The following FMN1 variants were observed in gnomAD, a reference collection of about 807,000 sequenced individuals.
FMN1 encodes the protein formin-1.
Under a neutral mutation model 132.4 loss-of-function variants are expected in FMN1, and 110 were observed. That is an observed-to-expected ratio of 0.83 (90% CI 0.71 to 0.97). The LOEUF (loss-of-function observed/expected upper bound fraction) is 0.97. Among genes scored for constraint, FMN1 ranks in the 50% least tolerant of loss-of-function variants. FMN1 has a pLI of 0.00. For synonymous variants in FMN1, 722 were observed against 651.7 expected (o/e 1.11, Z -1.64); for missense variants, 1,792 against 1,705.3 (o/e 1.05, Z -0.90).
intron 7 of FMN1, among the ~76,000 whole-genome samples, chr15:32,987,392 C>T (rs79396960): frequency 8.4e-4 from 128 of 152,246 alleles, no homozygotes; most frequent in African/African-American, 2.9e-3. Context: ...TCATGTACTC[C>T]GAATAATTAC....
chr15:32,768,571 C>T lies in FMN1; in HGVS notation c.*5739G>A, dbSNP rs2056124347. The T allele has an allele frequency of 6.6e-6, 1 of 152,180 alleles. No individual in the cohort carries two copies. The highest frequency in any genetic ancestry group is 6.5e-5 in the Admixed American group (1 of 15,272). The allele number at this position is 152,180 out of a possible 1,614,324, so 9.4% of individuals were successfully genotyped here. A position where few individuals can be genotyped will look rare whatever the true frequency, so the allele number is the denominator to read the frequency against. On this transcript the variant is annotated 3_prime_UTR_variant, in exon 21 of 21. Coordinates refer to ENST00000616417, the MANE Select transcript of FMN1 (RefSeq NM_001277313.2). ...CACAGGTAGAATTTAGGAAAATGTT[C>T]AGCCTATGTGAGAGCTATAGTGTGG...
At chr15:32,972,686 C>T (rs538613706) in intron 7 of FMN1, among the ~76,000 whole-genome samples, 2 of 152,274 alleles carry the variant, frequency 1.3e-5, no homozygotes, top group East Asian at 1.9e-4. Flanking sequence ...ATCTTCCTTG[C>T]CATTTTTTTC....
At chr15:33,004,257 A>G (rs1029208993) in intron 7 of FMN1, among the ~76,000 whole-genome samples, 6 of 152,222 alleles carry the variant, frequency 3.9e-5, no homozygotes, top group African/African-American at 1.4e-4. Context: ...TGAACAGGCA[A>G]CCTACAGAAT....
chr15:33,123,280 A>T (rs1189232288), intron 4 of FMN1, among the ~76,000 whole-genome samples: 4 of 151,874 alleles, frequency 2.6e-5, no homozygotes, highest in Non-Finnish European at 5.9e-5. Flanking sequence ...TCCAAATCAA[A>T]ACTGGGGTCA....
intron 9 of FMN1, among the ~76,000 whole-genome samples, chr15:32,954,536 C>T (rs532084312): frequency 1.2e-4 from 18 of 152,206 alleles, no homozygotes; most frequent in African/African-American, 3.1e-4. Flanking sequence ...AGGACTTGTT[C>T]GGGATTCGAT....
At chr15:33,092,430 CT>C (rs1159624543) in intron 4 of FMN1, among the ~76,000 whole-genome samples, 1 of 152,176 alleles carries the variant, frequency 6.6e-6, no homozygotes, top group Non-Finnish European at 1.5e-5. Context: ...TCTATTTCCC[CT>C]GCCACGTGAC....
At chr15:32,777,778 A>C (rs1057061278) in intron 19 of FMN1, among the ~76,000 whole-genome samples, 1 of 127,326 alleles carries the variant, frequency 7.9e-6, no homozygotes, top group Admixed American at 8.5e-5. Context: ...TATACTATGT[A>C]TAATACATTT....
At chr15:33,180,499 G>A (rs374169318) in intron 2 of FMN1, among the ~76,000 whole-genome samples, 29 of 152,070 alleles carry the variant, frequency 1.9e-4, no homozygotes, top group African/African-American at 6.5e-4. Context: ...CTAGCATAGG[G>A]TAACCAACCA....
chr15:33,007,305 A>C (rs2034472922), intron 7 of FMN1, among the ~76,000 whole-genome samples: 1 of 152,196 alleles, frequency 6.6e-6, no homozygotes, highest in Non-Finnish European at 1.5e-5. Context: ...TTTTGCTGTC[A>C]TTCTCTCCTG....
intron 17 of FMN1, among the ~76,000 whole-genome samples, chr15:32,835,538 C>T (rs557565576): frequency 1.3e-5 from 2 of 152,226 alleles, no homozygotes; most frequent in Non-Finnish European, 2.9e-5. Flanking sequence ...GTTGCAACCT[C>T]AAAAACTTGG....
intron 12 of FMN1, among the ~76,000 whole-genome samples, chr15:32,903,043 T>C (rs1004935233): frequency 3.3e-5 from 5 of 152,240 alleles, no homozygotes; most frequent in African/African-American, 9.6e-5. Context: ...CTTCTTTCTA[T>C]ACCGAAAGAT....
chr15:32,974,476 A>C (rs997853560), intron 7 of FMN1, among the ~76,000 whole-genome samples: 2 of 152,202 alleles, frequency 1.3e-5, no homozygotes, highest in Non-Finnish European at 2.9e-5. Flanking sequence ...TGCCAATTAA[A>C]CCATCCTGTT....
At chr15:32,853,242 A>C (rs1269771606) in intron 17 of FMN1, among the ~76,000 whole-genome samples, 3 of 152,184 alleles carry the variant, frequency 2.0e-5, no homozygotes, top group Non-Finnish European at 4.4e-5. Flanking sequence ...CTTTGCTGAA[A>C]GTCTTACCTA....
rs547359315 is a variant in FMN1 at position 32,797,527 on chromosome 15, T to C, written c.4130+1277A>G. 2.0e-5 allele frequency among the ~76,000 whole-genome samples: 3 copies of C among 152,312 alleles called. No individual in the cohort carries two copies. In the South Asian group the frequency reaches 6.2e-4, roughly 32 times the overall value. On this transcript the variant is annotated intron_variant, in intron 19 of 20. Coordinates refer to ENST00000616417, the MANE Select transcript of FMN1 (RefSeq NM_001277313.2). Reference sequence around the variant, plus strand: ...GTGATGGCAGGGCAAGAACTATGGGTTGGGTGCCAAGATTTTTAGGATTTT... The same window carrying C: ...GTGATGGCAGGGCAAGAACTATGGGCTGGGTGCCAAGATTTTTAGGATTTT...
chr15:32,981,988 A>G (rs2032713015), intron 7 of FMN1, among the ~76,000 whole-genome samples: 4 of 152,212 alleles, frequency 2.6e-5, no homozygotes, highest in African/African-American at 9.7e-5. Context: ...AATAACGGAC[A>G]CAGGACTTGT....
chr15:33,082,164 C>G (rs2038505825), intron 5 of FMN1, among the ~76,000 whole-genome samples: 2 of 151,410 alleles, frequency 1.3e-5, no homozygotes, highest in Admixed American at 1.3e-4. Flanking sequence ...ACCTCTGCCT[C>G]CCAGTTCAAG....
At chr15:33,102,995 G>T (rs2039350990) in intron 4 of FMN1, among the ~76,000 whole-genome samples, 1 of 151,840 alleles carries the variant, frequency 6.6e-6, no homozygotes, top group Non-Finnish European at 1.5e-5. Flanking sequence ...TTGTCTTTAG[G>T]ATGCAGGAAA....
chr15:32,893,968 T>C lies in FMN1; in HGVS notation c.3714+4866A>G, dbSNP rs114519421. Among the ~76,000 whole-genome samples, 568 of 152,356 alleles carry C rather than the reference T, an allele frequency of 3.7e-3. 7 individuals carry two copies. The highest frequency in any genetic ancestry group is 0.013 in the African/African-American group (546 of 41,562). On this transcript the variant is annotated intron_variant, in intron 15 of 20. Transcript: ENST00000616417. The stretch of plus-strand genomic sequence containing the variant: ...CAAAGATTCTTCAGGATAATTCTTC[T>C]GCCACACTAGTACCTGCTGTCAAAA...
intron 6 of FMN1, among the ~76,000 whole-genome samples, chr15:33,011,796 A>G (rs2034741699): frequency 6.6e-6 from 1 of 152,166 alleles, no homozygotes; most frequent in Non-Finnish European, 1.5e-5. Context: ...AAGCATCAAC[A>G]GGCGCTCTAA....
Sources: gnomAD v4.1 joint callset for allele counts (sites outside exome capture counted in the v4.1 genomes callset) on GRCh38, gnomAD v4.1.1 for gene constraint, MANE v1.5 for transcripts, NCBI Gene and HGNC (gene_info 2026-07-23, HGNC 2026-07-21) for gene names.